The following CHD6 variants were observed in gnomAD, a reference collection of about 807,000 sequenced individuals.
CHD6 encodes the protein chromodomain helicase DNA binding protein 6, also known as ATP-dependent chromatin remodeler CHD6.
In CHD6, 50 loss-of-function variants were observed where a neutral mutation model predicts 276.9. The observed-to-expected ratio is 0.18, with a 90% CI of 0.14 to 0.23. CHD6 has a LOEUF of 0.23. Among genes scored for constraint, CHD6 ranks in the 10% least tolerant of loss-of-function variants. The pLI is 1.00. For synonymous variants in CHD6, 1,173 were observed against 1,229.3 expected, an observed-to-expected ratio of 0.95 and a Z score of 0.96; for missense variants, 2,564 against 3,365.8, an observed-to-expected ratio of 0.76 and a Z score of 5.89.
intron 1 of CHD6, among the ~76,000 whole-genome samples, chr20:41,555,487 G>A (rs1341117507): frequency 1.2e-4 from 18 of 151,164 alleles, no homozygotes; most frequent in Admixed American, 2.6e-4. Flanking sequence ...GGCGGCTGCC[G>A]GGCGGAGGGG....
chr20:41,590,948 T>A (rs1261017742), intron 1 of CHD6, among the ~76,000 whole-genome samples: 2 of 151,104 alleles, frequency 1.3e-5, no homozygotes, highest in Non-Finnish European at 1.5e-5. Flanking sequence ...TAGCAAAGAT[T>A]TGGAACCAAC....
At chr20:41,567,935 C>T (rs2045377051) in intron 1 of CHD6, among the ~76,000 whole-genome samples, 1 of 152,064 alleles carries the variant, frequency 6.6e-6, no homozygotes, top group African/African-American at 2.4e-5. Context: ...GCATGAGTGA[C>T]TGGATGGAGA....
chr20:41,421,274 T>C lies in CHD6; in HGVS notation c.5361A>G (p.Glu1787=). The change falls in exon 31 of 37, where the codon GAA becomes GAG. Residue 1787 remains glutamate (E), a synonymous_variant. Coordinates refer to ENST00000373233, the MANE Select transcript of CHD6 (RefSeq NM_032221.5). ...GKHLLMSISK[E]GELCCSEAGQ... ...CTGCCTCACTGCAGCAGAGCTCCCC[T>C]TCCTTTGAAATAGACATCAACAAAT... 6.2e-7 allele frequency: 1 copy of C among 1,614,138 alleles called. No individual in the cohort carries two copies. Among genetic ancestry groups the C allele is most frequent in the Non-Finnish European group, 8.5e-7 (1 of 1,180,024 alleles).
At position 41,593,202 on chromosome 20, in the gene CHD6, A is replaced by AGG. The variant is rs5841412; in HGVS notation, c.-24+25136_-24+25137dup. Among the ~76,000 whole-genome samples, 1,174 of 117,516 alleles carry AGG rather than the reference A, an allele frequency of 1.0e-2. 21 individuals are homozygous for AGG. Among genetic ancestry groups the AGG allele is most frequent in the East Asian group, 0.019 (80 of 4,206 alleles). 77.1% of individuals were successfully genotyped at this position (117,516 alleles called of 152,430 possible). A position where few individuals can be genotyped will look rare whatever the true frequency, so the allele number is the denominator to read the frequency against. ...ACTGTTTAACTCAGCCCAATCAAAA[A>AGG]GGGGGGGGGGGGTTAAATAGTAAAA... On this transcript the variant is annotated intron_variant, in intron 1 of 36. Transcript: ENST00000373233.
At chr20:41,615,258 C>G (rs1036157069) in intron 1 of CHD6, among the ~76,000 whole-genome samples, 4 of 152,020 alleles carry the variant, frequency 2.6e-5, no homozygotes, top group Non-Finnish European at 5.9e-5. Flanking sequence ...ACTCTGTAGC[C>G]CCAGTATCTG....
intron 1 of CHD6, among the ~76,000 whole-genome samples, chr20:41,562,130 T>A (rs1233660493): frequency 6.6e-6 from 1 of 152,168 alleles, no homozygotes; most frequent in Admixed American, 6.5e-5. Flanking sequence ...AAACTCTTCA[T>A]GTTCTACTTT....
intron 16 of CHD6, among the ~76,000 whole-genome samples, chr20:41,479,895 A>T (rs1344456927): frequency 1.3e-5 from 2 of 152,220 alleles, no homozygotes; most frequent in Admixed American, 6.5e-5. Flanking sequence ...TTCTAAAAAG[A>T]ACAAACATAA....
At chr20:41,477,965 C>T (rs1416933438) in intron 16 of CHD6, among the ~76,000 whole-genome samples, 1 of 152,176 alleles carries the variant, frequency 6.6e-6, no homozygotes, top group Non-Finnish European at 1.5e-5. Context: ...ATGTACCATG[C>T]TGAAAAGGGG....
intron 1 of CHD6, among the ~76,000 whole-genome samples, chr20:41,579,459 TAAA>T (rs2045513038): frequency 9.2e-6 from 1 of 108,480 alleles, no homozygotes; most frequent in Non-Finnish European, 1.8e-5. Flanking sequence ...AAAAAAATCT[TAAA>T]AGGCTAAAAG....
chr20:41,452,979 T>C lies in CHD6; in HGVS notation c.3121-37A>G, dbSNP rs748564035. The C allele has an allele frequency of 6.0e-6, 9 of 1,494,904 alleles. No individual in the cohort carries two copies. Among genetic ancestry groups the C allele is most frequent in the East Asian group, 2.3e-5 (1 of 44,246 alleles). 92.6% of individuals were successfully genotyped at this position (1,494,904 alleles called of 1,614,324 possible). A position where few individuals can be genotyped will look rare whatever the true frequency, so the allele number is the denominator to read the frequency against. ...GAGGACTACTGGGAAGAAAGTCCTC[T>C]TTTCTCTACTCCTTTCACAAAGCAT... On this transcript the variant is annotated intron_variant, in intron 20 of 36. Coordinates refer to ENST00000373233, the MANE Select transcript of CHD6 (RefSeq NM_032221.5). This position sits in a 1 kb window ranked among gnomAD's most constrained non-coding sequence, Gnocchi z 4.2.
In CHD6 at chr20:41,491,893, C is replaced by T. The variant is rs113107504; in HGVS notation, c.1315-74G>A. 64 of 1,536,874 alleles carry T rather than the reference C, an allele frequency of 4.2e-5. 3 individuals are homozygous for T. The highest frequency in any genetic ancestry group is 4.1e-4 in the African/African-American group (30 of 73,434). On this transcript the variant is annotated intron_variant, in intron 10 of 36. Transcript: ENST00000373233. ...AGCATAACATGGATACTAACGAGGA[C>T]AGTGGTAAATCTCACTGTCCCAAGG...
intron 25 of CHD6, among the ~76,000 whole-genome samples, chr20:41,442,638 A>T (rs2047935432): frequency 6.6e-6 from 1 of 152,218 alleles, no homozygotes; most frequent in African/African-American, 2.4e-5. Flanking sequence ...TAAGTATCAC[A>T]TCTCCAGAGC....
In CHD6 at chr20:41,403,784, C is replaced by T. The variant is rs942118657; in HGVS notation, c.*809G>A. 3.4e-5 allele frequency: 36 copies of T among 1,057,874 alleles called. No individual in the cohort carries two copies. The highest frequency in any genetic ancestry group is 1.0e-4 in the East Asian group (2 of 19,200). The allele number at this position is 1,057,874 out of a possible 1,614,324, so 65.5% of individuals were successfully genotyped here. A position where few individuals can be genotyped will look rare whatever the true frequency, so the allele number is the denominator to read the frequency against. ...AACCAGGTGAGAGCAGAGCGCTAGC[C>T]GTGTGCTTGTGAAGCAGCGTGTAGC... On this transcript the variant is annotated 3_prime_UTR_variant, in exon 37 of 37. Coordinates refer to ENST00000373233, the MANE Select transcript of CHD6 (RefSeq NM_032221.5).
At chr20:41,553,684 T>C (rs1216097123) in intron 1 of CHD6, among the ~76,000 whole-genome samples, 2 of 152,262 alleles carry the variant, frequency 1.3e-5, no homozygotes, top group East Asian at 3.8e-4. Flanking sequence ...GCTCTCACCA[T>C]TGTTTCATCT....
chr20:41,422,978 C>A (rs751703179), intron 30 of CHD6, among the ~76,000 whole-genome samples: 5 of 152,178 alleles, frequency 3.3e-5, no homozygotes, highest in Non-Finnish European at 7.3e-5. Flanking sequence ...AAATACGAGG[C>A]TACAGGGAGG....
intron 1 of CHD6, among the ~76,000 whole-genome samples, chr20:41,570,590 A>T (rs1366783703): frequency 6.6e-6 from 1 of 152,258 alleles, no homozygotes; most frequent in Non-Finnish European, 1.5e-5. Context: ...CAAGGCAGTC[A>T]TTCTAGATTC....
At chr20:41,439,566 T>C (rs921488807) in intron 26 of CHD6, among the ~76,000 whole-genome samples, 1 of 152,202 alleles carries the variant, frequency 6.6e-6, no homozygotes, top group Non-Finnish European at 1.5e-5. Context: ...ATCTTGCTCA[T>C]GGACTATGCA....
In CHD6 at chr20:41,416,788, C is replaced by T. The variant is rs369614239; in HGVS notation, c.6286G>A (p.Val2096Met). ...ATATTATCTAGGCGGTTAATTATCA[C>T]GCGGTCCTAGAAAAAAGGATAAAGC... Reference protein sequence around the residue: ...YSFSEWPKDRVIINRLDNICH... With the variant: ...YSFSEWPKDRMIINRLDNICH... Residue 2096 changes from valine (V) to methionine (M), a missense_variant, in exon 33 of 37, where the codon GTG becomes ATG. Val to Met is a conservative substitution (Grantham distance 21). This residue lies in a region of CHD6 where 1,024 missense variants were observed against 1,047.9 expected (regional missense o/e 0.98). Transcript: ENST00000373233. 1.4e-5 allele frequency: 22 copies of T among 1,565,474 alleles called. No individual in the cohort carries two copies. Among genetic ancestry groups the T allele is most frequent in the Middle Eastern group, 3.4e-4 (2 of 5,916 alleles).
chr20:41,547,580 GA>G, intron 2 of CHD6: 2 of 526,372 alleles, frequency 3.8e-6, no homozygotes, highest in South Asian at 1.5e-5. Context: ...CTAGTGACTG[GA>G]AGGGTCTAAG....
Sources: gnomAD v4.1 joint callset for allele counts (sites outside exome capture counted in the v4.1 genomes callset) on GRCh38, gnomAD v4.1.1 for gene constraint, gnomAD v4.1.1 regional missense constraint, Gnocchi (gnomAD v3.1) non-coding constraint, MANE v1.5 for transcripts, NCBI Gene and HGNC (gene_info 2026-07-23, HGNC 2026-07-21) for gene names.